The following ARAP2 variants were observed in gnomAD, a reference collection of about 807,000 sequenced individuals.
The protein encoded by ARAP2 is ArfGAP with RhoGAP domain, ankyrin repeat and PH domain 2.
Under a neutral mutation model 194.5 loss-of-function variants are expected in ARAP2, and 148 were observed. The ratio of observed to expected loss-of-function variants is 0.76; its 90% confidence interval spans 0.67 to 0.87. ARAP2 has a LOEUF of 0.87. Ranked by LOEUF, ARAP2 falls within the 40% of genes least tolerant of loss-of-function variation. The pLI, the probability that ARAP2 is intolerant of heterozygous loss-of-function variation, is 0.00. For synonymous variants in ARAP2, 695 were observed against 683.5 expected (o/e 1.02, Z -0.26); for missense variants, 2,128 against 1,989.7 (o/e 1.07, Z -1.32).
intron 19 of ARAP2, among the ~76,000 whole-genome samples, chr4:36,137,193 A>C (rs560099786): frequency 4.0e-4 from 61 of 151,898 alleles, no homozygotes; most frequent in Non-Finnish European, 7.5e-4. Flanking sequence ...ATTTGAAATG[A>C]AGGCACAATA....
chr4:36,208,997 A>G (rs1051196669), intron 6 of ARAP2, among the ~76,000 whole-genome samples: 1 of 152,214 alleles, frequency 6.6e-6, no homozygotes, highest in African/African-American at 2.4e-5. Context: ...TAACTGTCCC[A>G]GAGGTGGCCA....
At chr4:36,193,799 G>T in intron 6 of ARAP2, 152 bp from the exon 7 acceptor site, 1 of 556,368 alleles carries the variant, frequency 1.8e-6, no homozygotes, top group Non-Finnish European at 3.0e-6. Flanking sequence ...TTTTGGCCAT[G>T]GCACATAGGA....
chr4:36,223,496 T>C (rs1040862220), intron 2 of ARAP2, among the ~76,000 whole-genome samples: 2 of 152,136 alleles, frequency 1.3e-5, no homozygotes, highest in Non-Finnish European at 2.9e-5. Context: ...CTAAATTCTA[T>C]TACTTAAATA....
chr4:36,025,758 G>A (rs867673481), intron 5 of ARAP2, among the ~76,000 whole-genome samples: 5 of 151,446 alleles, frequency 3.3e-5, no homozygotes, highest in African/African-American at 9.7e-5. Context: ...ATGGTATCAC[G>A]TAAAATGGTT....
intron 27 of ARAP2, among the ~76,000 whole-genome samples, chr4:36,095,679 C>T (rs1012752526): frequency 7.2e-5 from 11 of 152,124 alleles, no homozygotes; most frequent in Admixed American, 3.9e-4. Context: ...AACACAAAAA[C>T]ATTTTGTGAG....
chr4:36,174,855 T>C (rs1560593512), intron 9 of ARAP2, among the ~76,000 whole-genome samples: 2 of 152,182 alleles, frequency 1.3e-5, no homozygotes, highest in East Asian at 3.8e-4. Context: ...TTCTTTGCAA[T>C]AAATGAGATT....
At chr4:36,024,566 C>T (rs1230875980) in intron 5 of ARAP2, among the ~76,000 whole-genome samples, 1 of 152,060 alleles carries the variant, frequency 6.6e-6, no homozygotes, top group Non-Finnish European at 1.5e-5. Context: ...AAAGAGTGAG[C>T]TAAAACTTGA....
intron 2 of ARAP2, among the ~76,000 whole-genome samples, chr4:36,220,228 CGTGTGT>C (rs112046124): frequency 3.3e-5 from 5 of 149,554 alleles, no homozygotes; most frequent in African/African-American, 7.3e-5. Context: ...TATAGGCACA[CGTGTGT>C]GTGTGTGTGT....
rs1208883064 is a variant in ARAP2 at position 36,066,615 on chromosome 4, C to T, written c.*1292G>A. On this transcript the variant is annotated 3_prime_UTR_variant, in exon 33 of 33. Coordinates refer to ENST00000303965, the MANE Select transcript of ARAP2 (RefSeq NM_015230.4). ...ACATAATGTTTAATATCAAAACTCACCAGACAATCCAATTTTAAAGAAACT... is the reference window on the plus strand; with the variant it reads ...ACATAATGTTTAATATCAAAACTCATCAGACAATCCAATTTTAAAGAAACT... The T allele has an allele frequency of 1.3e-5, 2 of 151,864 alleles. No homozygotes were observed. Among genetic ancestry groups the T allele is most frequent in the African/African-American group, 4.8e-5 (2 of 41,446 alleles). The allele number at this position is 151,864 out of a possible 1,614,324, so 9.4% of individuals were successfully genotyped here.
intron 15 of ARAP2, among the ~76,000 whole-genome samples, chr4:36,151,279 T>A (rs139632828): frequency 1.3e-5 from 2 of 152,122 alleles, no homozygotes; most frequent in Non-Finnish European, 2.9e-5. Context: ...GACTGTGACA[T>A]TGATAACCAG....
At chr4:36,096,107 T>C (rs189405168) in intron 27 of ARAP2, among the ~76,000 whole-genome samples, 1 of 152,176 alleles carries the variant, frequency 6.6e-6, no homozygotes, top group Admixed American at 6.5e-5. Flanking sequence ...CTCATATCTG[T>C]AATCCCAGCA....
chr4:36,028,601 G>T (rs1328082136), intron 5 of ARAP2, among the ~76,000 whole-genome samples: 1 of 112,870 alleles, frequency 8.9e-6, no homozygotes, highest in Non-Finnish European at 2.0e-5. Flanking sequence ...GCTAATGTTT[G>T]TCTTCTGTTT....
intron 20 of ARAP2, 112 bp from the exon 21 acceptor site, chr4:36,128,857 T>C: frequency 1.2e-6 from 1 of 835,210 alleles, no homozygotes; most frequent in Non-Finnish European, 1.8e-6. Flanking sequence ...ATGAAATCAT[T>C]ACGCAAGAGA....
chr4:36,080,872 CA>C, intron 30 of ARAP2, among the ~76,000 whole-genome samples: 1 of 152,068 alleles, frequency 6.6e-6, no homozygotes, highest in Non-Finnish European at 1.5e-5. Context: ...AGCATATAGA[CA>C]AATAAATTAC....
intron 10 of ARAP2, among the ~76,000 whole-genome samples, chr4:36,165,574 C>CTT (rs879852549): frequency 1.0e-3 from 148 of 144,234 alleles, no homozygotes; most frequent in African/African-American, 3.5e-3. Context: ...AGAATAGATT[C>CTT]TTTTTTTTTT....
intron 19 of ARAP2, among the ~76,000 whole-genome samples, chr4:36,139,777 T>G (rs1727797066): frequency 6.6e-6 from 1 of 151,690 alleles, no homozygotes; most frequent in African/African-American, 2.4e-5. Context: ...ATTTTTCCTG[T>G]GATTTCTACT....
chr4:36,193,124 C>T (rs192557164), intron 7 of ARAP2, among the ~76,000 whole-genome samples: 113 of 152,294 alleles, frequency 7.4e-4, no homozygotes, highest in African/African-American at 2.6e-3. Flanking sequence ...CAATTAACAC[C>T]TCTCTATATC....
At chr4:36,073,914 C>T in intron 31 of ARAP2, 91 bp from the exon 32 acceptor site, 1 of 1,422,610 alleles carries the variant, frequency 7.0e-7, no homozygotes. Flanking sequence ...CCCACATATC[C>T]ACATCAAATG....
rs1477239485 is a variant in ARAP2 at position 36,035,390 on chromosome 4, T to C, written n.607+10589A>G. Reference sequence around the variant, plus strand: ...CTTCTCATTGGTGTATGTTGTACCATTGTGTGAATATATTTATAAATTCTA... The same window carrying C: ...CTTCTCATTGGTGTATGTTGTACCACTGTGTGAATATATTTATAAATTCTA... On this transcript the variant is annotated intron_variant and non_coding_transcript_variant, in intron 5 of 12. Transcript: ENST00000503225. Among the ~76,000 whole-genome samples, 4 of 152,146 alleles carry C rather than the reference T, an allele frequency of 2.6e-5. No homozygotes were observed. In the East Asian group the frequency reaches 7.7e-4, roughly 29 times the overall value.
Sources: allele counts gnomAD v4.1 joint callset (sites outside exome capture counted in the v4.1 genomes callset), GRCh38; gene constraint gnomAD v4.1.1; transcripts MANE v1.5; gene names NCBI Gene and HGNC (gene_info 2026-07-23, HGNC 2026-07-21).